NUP214: variants seen among roughly 807,000 people sequenced by gnomAD.
NUP214 encodes the protein nucleoporin 214.
A neutral mutation model predicts 196.2 loss-of-function variants in NUP214; 79 were observed. The ratio of observed to expected loss-of-function variants is 0.40; its 90% confidence interval spans 0.34 to 0.49. The LOEUF (loss-of-function observed/expected upper bound fraction) is 0.49, where lower values mean the gene tolerates loss of function less well. Ranked by LOEUF, NUP214 falls within the 20% of genes least tolerant of loss-of-function variation. The pLI is 0.58. For missense variants in NUP214, 2,468 were observed against 2,539.0 expected, an observed-to-expected ratio of 0.97 and a Z score of 0.60; for synonymous variants, 1,020 against 990.5, an observed-to-expected ratio of 1.03 and a Z score of -0.56.
In NUP214 at chr9:131,146,186, G is replaced by T; in HGVS notation, c.1827G>T (p.Met609Ile). Residue 609 changes from methionine (M) to isoleucine (I), a missense_variant, in exon 13 of 36, where the codon ATG becomes ATT. Coordinates refer to ENST00000359428, the MANE Select transcript of NUP214 (RefSeq NM_005085.4). The surrounding 1 kb of genome is among the most constrained non-coding windows in gnomAD (Gnocchi z 4.6). ...PVSSSQSAPP[M>I]SPFSSASKPA... ...GTAGCTCCCAGAGCGCACCCCCGAT[G>T]TCGCCATTCTCTTCTGCCTCCAAGC... The T allele has an allele frequency of 6.2e-7, 1 of 1,614,094 alleles. No homozygotes were observed. The highest frequency in any genetic ancestry group is 8.5e-7 in the Non-Finnish European group (1 of 1,180,028).
chr9:131,152,995 C>T (rs1310111132), intron 17 of NUP214, among the ~76,000 whole-genome samples: 5 of 151,986 alleles, frequency 3.3e-5, no homozygotes, highest in Non-Finnish European at 7.4e-5. Flanking sequence ...AGGCTGGTCT[C>T]GAACTCCTGA....
intron 6 of NUP214, 91 bp from the exon 7 acceptor site, chr9:131,133,015 A>T: frequency 1.1e-6 from 1 of 922,550 alleles, no homozygotes; most frequent in Admixed American, 2.1e-5. Flanking sequence ...TTTTTTTTTT[A>T]TCCATAGTGG....
At chr9:131,219,586 C>T (rs1834499945) in intron 31 of NUP214, among the ~76,000 whole-genome samples, 1 of 152,212 alleles carries the variant, frequency 6.6e-6, no homozygotes. Context: ...CCCATAGAAT[C>T]TACTAAAGAA....
intron 24 of NUP214, among the ~76,000 whole-genome samples, chr9:131,182,408 T>C (rs1218880700): frequency 6.6e-6 from 1 of 152,244 alleles, no homozygotes; most frequent in African/African-American, 2.4e-5. Flanking sequence ...TGGATTCTCA[T>C]AGGAGCATGA....
intron 32 of NUP214, among the ~76,000 whole-genome samples, chr9:131,224,848 A>G (rs1460515256): frequency 3.3e-5 from 5 of 152,270 alleles, no homozygotes; most frequent in African/African-American, 1.2e-4. Context: ...GAACATTTCA[A>G]CTGGGGAATT....
chr9:131,152,082 AT>A (rs1239690747), intron 17 of NUP214, among the ~76,000 whole-genome samples, 188 bp downstream of exon 17: 26 of 152,036 alleles, frequency 1.7e-4, no homozygotes, highest in Non-Finnish European at 3.7e-4. Flanking sequence ...TAATTATGTA[AT>A]TTTTTTCACT....
intron 17 of NUP214, among the ~76,000 whole-genome samples, chr9:131,156,975 T>G (rs997860109): frequency 3.3e-5 from 5 of 152,148 alleles, no homozygotes; most frequent in Non-Finnish European, 7.4e-5. Context: ...TTATTTTATT[T>G]TTTTTTAGGA....
Position 131,188,112 on chromosome 9 carries a change from C to T in NUP214, c.3495+748C>T, listed in dbSNP as rs149068971. ...GTAAATGGTGGAACCAGAGCTGGGA[C>T]CCAAGGCTTCTGACTTCCTCCTGTC... On this transcript the variant is annotated intron_variant, in intron 25 of 35. Coordinates refer to ENST00000359428, the MANE Select transcript of NUP214 (RefSeq NM_005085.4). Among the ~76,000 whole-genome samples, 647 of 152,274 alleles carry T rather than the reference C, an allele frequency of 4.2e-3. 5 individuals carry two copies. Among genetic ancestry groups the T allele is most frequent in the African/African-American group, 0.015 (619 of 41,558 alleles).
intron 28 of NUP214, chr9:131,195,541 T>C (rs906547802): frequency 1.2e-5 from 5 of 411,882 alleles, no homozygotes; most frequent in Non-Finnish European, 2.2e-5. Flanking sequence ...TGCTTTAACA[T>C]TTAAATGTTA....
Position 131,217,826 on chromosome 9 carries a change from C to T in NUP214, c.5749+2458C>T, listed in dbSNP as rs922704908. Among the ~76,000 whole-genome samples the T allele has an allele frequency of 4.4e-4, 67 of 152,242 alleles. 1 individual carries two copies. Among genetic ancestry groups the T allele is most frequent in the African/African-American group, 1.5e-3 (62 of 41,458 alleles). ...TCATCTCTAATGCCATGGCTCTTGA[C>T]TGTCAAGGAGTTGCCTTCTGTCAGT... On this transcript the variant is annotated intron_variant, in intron 31 of 35. Coordinates refer to ENST00000359428, the MANE Select transcript of NUP214 (RefSeq NM_005085.4).
At chr9:131,192,053 A>G in intron 26 of NUP214, 155 bp from the exon 27 acceptor site, 1 of 493,986 alleles carries the variant, frequency 2.0e-6, no homozygotes, top group Non-Finnish European at 3.5e-6. Flanking sequence ...CAACGTGCTC[A>G]CTCCCCATGG....
At chr9:131,230,082 G>C (rs950861217) in intron 33 of NUP214, 2 of 221,598 alleles carry the variant, frequency 9.0e-6, no homozygotes, top group Non-Finnish European at 1.8e-5. Context: ...GGGCACAGGG[G>C]ATTGTCTCCA....
chr9:131,214,339 CA>C (rs2131078272), intron 30 of NUP214, among the ~76,000 whole-genome samples: 1 of 152,312 alleles, frequency 6.6e-6, no homozygotes, highest in South Asian at 2.1e-4. Context: ...AAGTGTGTTA[CA>C]TTTCTTGGCT....
chr9:131,216,837 T>C (rs1834413619), intron 31 of NUP214, among the ~76,000 whole-genome samples: 1 of 152,194 alleles, frequency 6.6e-6, no homozygotes, highest in African/African-American at 2.4e-5. Flanking sequence ...TTAAAAGTTA[T>C]TTGTTGACCT....
chr9:131,169,340 T>TA (rs1832888983), intron 21 of NUP214, among the ~76,000 whole-genome samples: 1 of 152,094 alleles, frequency 6.6e-6, no homozygotes, highest in African/African-American at 2.4e-5. Context: ...AGCCTCTGCT[T>TA]ACATTTAAAT....
intron 21 of NUP214, among the ~76,000 whole-genome samples, chr9:131,173,264 G>A (rs1273510859): frequency 6.6e-6 from 1 of 151,242 alleles, no homozygotes; most frequent in Non-Finnish European, 1.5e-5. Flanking sequence ...CACCATATTT[G>A]CCAGGCTGGT....
At chr9:131,214,582 T>C (rs1156860753) in intron 30 of NUP214, among the ~76,000 whole-genome samples, 2 of 152,230 alleles carry the variant, frequency 1.3e-5, no homozygotes, top group Non-Finnish European at 2.9e-5. Context: ...AGAAGTTAAG[T>C]GTCTGGGACC....
At chr9:131,173,965 TA>T in intron 21 of NUP214, 89 bp from the exon 22 acceptor site, 1 of 1,365,984 alleles carries the variant, frequency 7.3e-7, no homozygotes, top group Non-Finnish European at 1.0e-6. Flanking sequence ...ACAAGTTGAG[TA>T]TTTTTTTTTT....
intron 30 of NUP214, among the ~76,000 whole-genome samples, chr9:131,213,959 G>T: frequency 6.6e-6 from 1 of 152,332 alleles, no homozygotes; most frequent in Middle Eastern, 3.4e-3. Context: ...GACAGATCAT[G>T]TTGGGCCTTC....
Sources: gnomAD v4.1 joint callset for allele counts (sites outside exome capture counted in the v4.1 genomes callset) on GRCh38, gnomAD v4.1.1 for gene constraint, Gnocchi (gnomAD v3.1) non-coding constraint, MANE v1.5 for transcripts, NCBI Gene and HGNC (gene_info 2026-07-23, HGNC 2026-07-21) for gene names.